Variants in PCSK6 observed in about 807,000 individuals in gnomAD.
The protein encoded by PCSK6 is proprotein convertase subtilisin/kexin type 6, also known as paired basic amino acid cleaving enzyme 4.
PCSK6 carries 85 observed loss-of-function variants against 123.3 expected under a neutral mutation model. The ratio of observed to expected loss-of-function variants is 0.69; its 90% CI spans 0.58 to 0.83. PCSK6 has a LOEUF of 0.83. Among genes scored for constraint, PCSK6 ranks in the 40% least tolerant of loss-of-function variants. The pLI, the probability that PCSK6 is intolerant of heterozygous loss-of-function variation, is 0.00. For missense variants in PCSK6, 1,191 were observed against 1,282.3 expected (o/e 0.93, Z 1.09); for synonymous variants, 508 against 516.0 (o/e 0.98, Z 0.21).
intron 5 of PCSK6, among the ~76,000 whole-genome samples, chr15:101,429,416 T>C (rs1168491642): frequency 2.6e-5 from 4 of 152,078 alleles, no homozygotes; most frequent in Non-Finnish European, 5.9e-5. Flanking sequence ...CACTGACCCC[T>C]CCTGTGACCC....
At chr15:101,442,226 G>C (rs35811436) in intron 2 of PCSK6, among the ~76,000 whole-genome samples, 43,018 of 152,148 alleles carry the variant, frequency 0.28, 7,625 homozygotes, top group Non-Finnish European at 0.4. Context: ...CCATCCCTTA[G>C]TAAACACTTA....
chr15:101,383,045 TA>T (rs373267721), intron 10 of PCSK6, among the ~76,000 whole-genome samples: 4 of 151,668 alleles, frequency 2.6e-5, no homozygotes, highest in African/African-American at 4.8e-5. Context: ...CAGAAAAGGT[TA>T]AAAAAAAATT....
At chr15:101,360,008 T>C (rs1207724755) in intron 13 of PCSK6, among the ~76,000 whole-genome samples, 1 of 152,060 alleles carries the variant, frequency 6.6e-6, no homozygotes, top group Non-Finnish European at 1.5e-5. Context: ...CCTGCAATGT[T>C]CCAGATCTAG....
intron 6 of PCSK6, among the ~76,000 whole-genome samples, chr15:101,416,980 A>G (rs925977030): frequency 1.3e-5 from 2 of 152,212 alleles, no homozygotes; most frequent in Non-Finnish European, 1.5e-5. Context: ...CCCCACAAAG[A>G]GTCCCTACTG....
intron 1 of PCSK6, among the ~76,000 whole-genome samples, chr15:101,454,247 C>G (rs1481870382): frequency 6.6e-6 from 1 of 152,222 alleles, no homozygotes; most frequent in Non-Finnish European, 1.5e-5. Flanking sequence ...AATTAATCTT[C>G]AAATTTTCAC....
rs201480913 is a variant in PCSK6 at position 101,326,391 on chromosome 15, A to G, written c.2166T>C (p.Ser722=). 6.0e-4 allele frequency: 951 copies of G among 1,574,032 alleles called. 5 individuals carry two copies. The highest frequency in any genetic ancestry group is 2.6e-4 in the Non-Finnish European group (307 of 1,159,492). ...ACATGCATTACCTGCTGGTCTTGAC[A>G]CTCCCCAGGCTGAAGTGGACGCAGT... ...CLNCVHFSLG[S]VKTSRKCVSV... Residue 722 remains serine (S), a synonymous_variant, in exon 16 of 22, where the codon AGT becomes AGC. Coordinates refer to ENST00000611716, the MANE Select transcript of PCSK6 (RefSeq NM_002570.5).
chr15:101,316,031 G>A (rs2039983738), intron 19 of PCSK6, among the ~76,000 whole-genome samples: 1 of 152,238 alleles, frequency 6.6e-6, no homozygotes, highest in African/African-American at 2.4e-5. Context: ...AGGCCCCTGG[G>A]TGGGTGGTGG....
At chr15:101,331,831 C>A (rs755357096) in intron 14 of PCSK6, 21 bp downstream of exon 14, 3 of 1,611,252 alleles carry the variant, frequency 1.9e-6, no homozygotes, top group Non-Finnish European at 2.5e-6. Flanking sequence ...TGGCCGTCTC[C>A]TCTTACTTCA....
In PCSK6 at chr15:101,443,580, G is replaced by A. The variant is rs1386690969; in HGVS notation, c.378C>T (p.His126=). 1.2e-6 allele frequency: 2 copies of A among 1,613,640 alleles called. No individual in the cohort carries two copies. Among genetic ancestry groups the A allele is most frequent in the Admixed American group, 1.7e-5 (1 of 60,030 alleles). The change falls in exon 2 of 22, where the codon CAC becomes CAT. Residue 126 remains histidine (H), a synonymous_variant. Coordinates refer to ENST00000611716, the MANE Select transcript of PCSK6 (RefSeq NM_002570.5). ...KRSTLSSRGP[H]TFLRMDPQVK... ...CCTGGGGGTCCATTCTGAGGAAGGTGTGAGGGCCTCTGCTACTCAAGGTTG... is the reference window on the plus strand; with the variant it reads ...CCTGGGGGTCCATTCTGAGGAAGGTATGAGGGCCTCTGCTACTCAAGGTTG...
intron 1 of PCSK6, among the ~76,000 whole-genome samples, chr15:101,455,363 C>T (rs569889866): frequency 1.3e-5 from 2 of 152,344 alleles, no homozygotes; most frequent in East Asian, 1.9e-4. Flanking sequence ...CTCCGGAAAG[C>T]GCTTCCCATC....
intron 9 of PCSK6, among the ~76,000 whole-genome samples, chr15:101,387,182 T>G (rs1408982037): frequency 6.6e-6 from 1 of 152,224 alleles, no homozygotes; most frequent in Non-Finnish European, 1.5e-5. Context: ...TCCTCCTGCA[T>G]CCACTGGCCT....
chr15:101,380,033 T>C (rs150062087), intron 11 of PCSK6, among the ~76,000 whole-genome samples: 1 of 152,310 alleles, frequency 6.6e-6, no homozygotes, highest in Non-Finnish European at 1.5e-5. Context: ...GCTGGCTGAA[T>C]ATCCCAGAAA....
intron 1 of PCSK6, among the ~76,000 whole-genome samples, chr15:101,465,841 A>G (rs1358508623): frequency 6.6e-6 from 1 of 152,212 alleles, no homozygotes; most frequent in Non-Finnish European, 1.5e-5. Flanking sequence ...TAATCGACAC[A>G]TTAAGCAAGG....
chr15:101,428,223 C>T (rs2056325051), intron 5 of PCSK6, among the ~76,000 whole-genome samples: 1 of 152,068 alleles, frequency 6.6e-6, no homozygotes, highest in Admixed American at 6.5e-5. Flanking sequence ...TCACCTCTTC[C>T]AGCATGCCTC....
intron 1 of PCSK6, among the ~76,000 whole-genome samples, chr15:101,458,977 T>G (rs1488677280): frequency 6.6e-6 from 1 of 152,102 alleles, no homozygotes; most frequent in Non-Finnish European, 1.5e-5. Flanking sequence ...CTGACAGCTG[T>G]AGGACTGTGG....
intron 6 of PCSK6, among the ~76,000 whole-genome samples, chr15:101,412,375 T>C (rs1410110078): frequency 6.6e-6 from 1 of 152,196 alleles, no homozygotes; most frequent in South Asian, 2.1e-4. Context: ...CTGACAGACA[T>C]TTTATTCATT....
chr15:101,321,167 T>A (rs1377526639), intron 18 of PCSK6, among the ~76,000 whole-genome samples: 10 of 152,312 alleles, frequency 6.6e-5, no homozygotes, highest in Admixed American at 5.9e-4. Flanking sequence ...AAAGCTGGCC[T>A]CTCCCAGGCC....
Position 101,428,637 on chromosome 15 carries a change from G to T in PCSK6, c.735-657C>A, listed in dbSNP as rs918837925. ...CCCCATTCTCTGATGTGCCACGTCG[G>T]GTCAGTTCCTCCAGCGGGGGCCAAA... On this transcript the variant is annotated intron_variant, in intron 5 of 21. Coordinates refer to ENST00000611716, the MANE Select transcript of PCSK6 (RefSeq NM_002570.5). Among the ~76,000 whole-genome samples, 5 of 152,322 alleles carry T rather than the reference G, an allele frequency of 3.3e-5. No homozygotes were observed. The East Asian group carries it at 9.6e-4, about 29-fold the overall frequency.
intron 18 of PCSK6, among the ~76,000 whole-genome samples, chr15:101,319,802 C>A (rs1456618607): frequency 6.6e-6 from 1 of 152,230 alleles, no homozygotes; most frequent in African/African-American, 2.4e-5. Context: ...CAGCGCTCAA[C>A]CCTTCCAAAC....
Sources: allele counts gnomAD v4.1 joint callset (sites outside exome capture counted in the v4.1 genomes callset), GRCh38; gene constraint gnomAD v4.1.1; transcripts MANE v1.5; gene names NCBI Gene and HGNC (gene_info 2026-07-23, HGNC 2026-07-21).